Variants in DAZAP2 observed in about 807,000 individuals in gnomAD.
DAZAP2 encodes DAZ-associated protein 2.
In DAZAP2, 3 loss-of-function variants were observed where a neutral mutation model predicts 16.2. The ratio of observed to expected loss-of-function variants is 0.19; its 90% CI spans 0.08 to 0.48. The LOEUF (loss-of-function observed/expected upper bound fraction) is 0.48. Among genes scored for constraint, DAZAP2 ranks in the 20% least tolerant of loss-of-function variants. DAZAP2 has a pLI of 0.98. For synonymous variants in DAZAP2, 69 were observed against 77.6 expected (o/e 0.89, Z 0.58); for missense variants, 172 against 215.9 (o/e 0.80, Z 1.27).
Position 51,243,868 on chromosome 12 carries a change from T to C in DAZAP2, c.*1410T>C. 1.0e-6 allele frequency: 1 copy of C among 985,454 alleles called. No homozygotes were observed. Among genetic ancestry groups the C allele is most frequent in the Middle Eastern group, 5.2e-4 (1 of 1,914 alleles). 61.0% of individuals were successfully genotyped at this position (985,454 alleles called of 1,614,324 possible). A position where few individuals can be genotyped will look rare whatever the true frequency, so the allele number is the denominator to read the frequency against. ...ATTTATATCCCATCTAGAATTCAGC[T>C]AGGTGCTGCTGCTGCTCTGTTTCCT... is the stretch of plus-strand genomic sequence containing the variant. On this transcript the variant is annotated 3_prime_UTR_variant, in exon 4 of 4. Coordinates refer to ENST00000412716, the MANE Select transcript of DAZAP2 (RefSeq NM_014764.4).
intron 1 of DAZAP2, 198 bp from the exon 2 acceptor site, chr12:51,240,145 C>T (rs1346087705): frequency 1.2e-5 from 7 of 584,624 alleles, no homozygotes; most frequent in South Asian, 2.0e-5. Flanking sequence ...TTTCTTGTCT[C>T]GTTAGAATCC....
At position 51,241,294 on chromosome 12, in the gene DAZAP2, ATC is replaced by A. The variant is rs754405717; in HGVS notation, c.378+181_378+182del. Among the ~76,000 whole-genome samples, 17 of 152,198 alleles carry A rather than the reference ATC, an allele frequency of 1.1e-4. 1 individual carries two copies. The highest frequency in any genetic ancestry group is 2.4e-4 in the Non-Finnish European group (16 of 68,040). ...GGCAGAACTGTGGCAAGTGAGTAGC[ATC>A]TCACTGGGGGCTGAGTTAACCAGAT... On this transcript the variant is annotated intron_variant, in intron 3 of 3. Transcript: ENST00000412716.
chr12:51,243,038 T>C lies in DAZAP2; in HGVS notation c.*580T>C. Reference sequence around the variant, plus strand: ...CAGTCAGACTAATTTCCTTCTTTCCTCGCACTTCTCCCCACTCGTCATCTT... The same window carrying C: ...CAGTCAGACTAATTTCCTTCTTTCCCCGCACTTCTCCCCACTCGTCATCTT... On this transcript the variant is annotated 3_prime_UTR_variant, in exon 4 of 4. Coordinates refer to ENST00000412716, the MANE Select transcript of DAZAP2 (RefSeq NM_014764.4). 1 of 995,506 alleles carries C rather than the reference T, an allele frequency of 1.0e-6. No homozygotes were observed. The highest frequency in any genetic ancestry group is 1.7e-5 in the African/African-American group (1 of 57,556). The allele number at this position is 995,506 out of a possible 1,614,324, so 61.7% of individuals were successfully genotyped here. A position where few individuals can be genotyped will look rare whatever the true frequency, so the allele number is the denominator to read the frequency against.
rs1291920551 is a variant in DAZAP2 at position 51,241,239 on chromosome 12, T to C, written c.378+123T>C. 4.9e-6 allele frequency: 7 copies of C among 1,436,426 alleles called. No individual in the cohort carries two copies. The African/African-American group carries it at 7.1e-5, about 14-fold the overall frequency. The allele number at this position is 1,436,426 out of a possible 1,614,324, so 89.0% of individuals were successfully genotyped here. A position where few individuals can be genotyped will look rare whatever the true frequency, so the allele number is the denominator to read the frequency against. On this transcript the variant is annotated intron_variant, in intron 3 of 3. Coordinates refer to ENST00000412716, the MANE Select transcript of DAZAP2 (RefSeq NM_014764.4). ...GCCAGTGTTGGTACAACTACTGACA[T>C]CCAATACTCAGGCAGAAAGTGTTTG...
Position 51,243,099 on chromosome 12 carries a change from C to T in DAZAP2, c.*641C>T. 1 of 988,592 alleles carries T rather than the reference C, an allele frequency of 1.0e-6. No individual in the cohort carries two copies. The highest frequency in any genetic ancestry group is 1.2e-6 in the Non-Finnish European group (1 of 832,034). The allele number at this position is 988,592 out of a possible 1,614,324, so 61.2% of individuals were successfully genotyped here. ...TTTCACAAGGATCCTCTGAAACCCT[C>T]TCTGTGCCCCAAGTACAGATGCCAT... On this transcript the variant is annotated 3_prime_UTR_variant, in exon 4 of 4. Coordinates refer to ENST00000412716, the MANE Select transcript of DAZAP2 (RefSeq NM_014764.4).
At chr12:51,245,404 T>C (rs1944753600), downstream of DAZAP2, 1 of 152,722 alleles carries the variant, frequency 6.5e-6, no homozygotes, top group Non-Finnish European at 1.5e-5. Flanking sequence ...AAGCATGAGG[T>C]TGTTGGGGAA....
downstream of DAZAP2, among the ~76,000 whole-genome samples, chr12:51,244,226 T>A (rs1285705591): frequency 1.3e-5 from 2 of 152,068 alleles, no homozygotes; most frequent in African/African-American, 4.8e-5. Context: ...TGAGACAGGG[T>A]CTCCCTCTGT....
At chr12:51,246,409 G>A, downstream of DAZAP2, 1 of 470,134 alleles carries the variant, frequency 2.1e-6, no homozygotes, top group Non-Finnish European at 3.8e-6. Context: ...GGAGGGAACA[G>A]GAAATGGCTT....
chr12:51,238,840 T>C lies in DAZAP2; in HGVS notation c.-68T>C, dbSNP rs553931724. 12 of 1,609,928 alleles carry C rather than the reference T, an allele frequency of 7.5e-6. No homozygotes were observed. The highest frequency in any genetic ancestry group is 4.5e-5 in the East Asian group (2 of 44,776). ...GACCATCATGTGACACGGAAGTAGC[T>C]CCGAACAGGAAGAGGACGAAAAAAA... On this transcript the variant is annotated 5_prime_UTR_variant, in exon 1 of 4. Transcript: ENST00000412716.
intron 1 of DAZAP2, chr12:51,240,050 C>T: frequency 2.5e-6 from 1 of 407,206 alleles, no homozygotes; most frequent in Non-Finnish European, 4.6e-6. Context: ...GAACCCCAGA[C>T]CTGTCCTGCA....
chr12:51,239,824 G>A (rs1233614499), intron 1 of DAZAP2: 1 of 154,876 alleles, frequency 6.5e-6, no homozygotes, highest in African/African-American at 2.4e-5. Flanking sequence ...TTTCCAGTGA[G>A]GATATTCCTC....
At chr12:51,246,087 A>T (rs757654519), downstream of DAZAP2, 10 of 1,613,988 alleles carry the variant, frequency 6.2e-6, no homozygotes, top group Non-Finnish European at 8.5e-6. Context: ...ATCACGACCG[A>T]GAGCAGGGTG....
In DAZAP2 at chr12:51,241,136, A is replaced by G; in HGVS notation, c.378+20A>G. On this transcript the variant is annotated intron_variant, in intron 3 of 3. Coordinates refer to ENST00000412716, the MANE Select transcript of DAZAP2 (RefSeq NM_014764.4). ...ATTCCTGTGAGTATGACCTCATCAGAAGAAACTCAGCCCTTGTGTATTTTA... is the reference window on the plus strand; with the variant it reads ...ATTCCTGTGAGTATGACCTCATCAGGAGAAACTCAGCCCTTGTGTATTTTA... The G allele has an allele frequency of 6.2e-7, 1 of 1,611,360 alleles. No individual in the cohort carries two copies. The highest frequency in any genetic ancestry group is 1.1e-5 in the South Asian group (1 of 90,940).
In DAZAP2 at chr12:51,243,088, T is replaced by A; in HGVS notation, c.*630T>A. ...TTTAACTAGTGTTTCACAAGGATCC[T>A]CTGAAACCCTCTCTGTGCCCCAAGT... On this transcript the variant is annotated 3_prime_UTR_variant, in exon 4 of 4. Transcript: ENST00000412716. 1 of 989,452 alleles carries A rather than the reference T, an allele frequency of 1.0e-6. No homozygotes were observed. The highest frequency in any genetic ancestry group is 1.2e-6 in the Non-Finnish European group (1 of 832,652). The allele number at this position is 989,452 out of a possible 1,614,324, so 61.3% of individuals were successfully genotyped here.
At chr12:51,244,397 G>A (rs568935990), downstream of DAZAP2, among the ~76,000 whole-genome samples, 6 of 152,214 alleles carry the variant, frequency 3.9e-5, no homozygotes, top group Non-Finnish European at 7.4e-5. Context: ...GCTTCACTGC[G>A]TTGGCCACGC....
chr12:51,242,810 TC>T lies in DAZAP2; in HGVS notation c.*354del, dbSNP rs1230705337. ...TTAGGTTTGGAGGGAACTTTGATCT[TC>T]CTAAGAATTAAAGTTGCCAAATTAT... On this transcript the variant is annotated 3_prime_UTR_variant, in exon 4 of 4. Coordinates refer to ENST00000412716, the MANE Select transcript of DAZAP2 (RefSeq NM_014764.4). 1.4e-6 allele frequency: 2 copies of T among 1,398,240 alleles called. No individual in the cohort carries two copies. Among genetic ancestry groups the T allele is most frequent in the Non-Finnish European group, 1.8e-6 (2 of 1,083,850 alleles). 86.6% of individuals were successfully genotyped at this position (1,398,240 alleles called of 1,614,324 possible).
At chr12:51,246,495 C>G (rs186212058), downstream of DAZAP2, 151 of 446,714 alleles carry the variant, frequency 3.4e-4, 1 homozygote, top group East Asian at 5.3e-3. Flanking sequence ...ATCCTCGTCC[C>G]TACCCACGTA....
downstream of DAZAP2, chr12:51,245,831 G>T: frequency 1.6e-6 from 2 of 1,277,620 alleles, no homozygotes; most frequent in Non-Finnish European, 2.1e-6. Flanking sequence ...GCTTGGATTT[G>T]CCCACATCAA....
chr12:51,245,994 G>T, downstream of DAZAP2: 1 of 1,613,944 alleles, frequency 6.2e-7, no homozygotes, highest in South Asian at 1.1e-5. Flanking sequence ...CTCTCCATCT[G>T]GACGATGGCA....
Sources: allele counts gnomAD v4.1 joint callset (sites outside exome capture counted in the v4.1 genomes callset), GRCh38; gene constraint gnomAD v4.1.1; transcripts MANE v1.5; gene names NCBI Gene and HGNC (gene_info 2026-07-23, HGNC 2026-07-21).